RAP1A: variants seen among roughly 807,000 people sequenced by gnomAD.
The protein encoded by RAP1A is RAP1A, member of RAS oncogene family, also known as ras-related protein Rap-1A.
RAP1A carries 6 observed loss-of-function variants against 26.4 expected under a neutral mutation model. The observed-to-expected ratio is 0.23, with a 90% CI of 0.12 to 0.45. The LOEUF (loss-of-function observed/expected upper bound fraction) is 0.45, where lower values mean the gene tolerates loss of function less well. RAP1A is among the 20% of genes least tolerant of loss of function. The probability of loss-of-function intolerance (pLI) is 0.99; values close to 1 mark genes in which losing one functional copy is unlikely to be tolerated. For synonymous variants in RAP1A, 73 were observed against 79.4 expected (o/e 0.92, Z 0.43); for missense variants, 121 against 217.2 (o/e 0.56, Z 2.78).
At chr1:111,659,763 A>T (rs1451109905) in intron 1 of RAP1A, among the ~76,000 whole-genome samples, 6 of 151,740 alleles carry the variant, frequency 4.0e-5, no homozygotes, top group African/African-American at 1.5e-4. Flanking sequence ...ACTGTATTAT[A>T]CTTGTTTTTA....
chr1:111,714,643 G>A lies in RAP1A; in HGVS notation c.*2242G>A, dbSNP rs775297881. On this transcript the variant is annotated 3_prime_UTR_variant, in exon 8 of 8. Coordinates refer to ENST00000369709, the MANE Select transcript of RAP1A (RefSeq NM_002884.4). ...CTGGCACACAGTGATATGCAGAGCA[G>A]GACCAGCTGAAGTCAGATGTGCAAG... 4 of 152,242 alleles carry A rather than the reference G, an allele frequency of 2.6e-5. No homozygotes were observed. The highest frequency in any genetic ancestry group is 5.9e-5 in the Non-Finnish European group (4 of 68,068). The allele number at this position is 152,242 out of a possible 1,614,324, so 9.4% of individuals were successfully genotyped here.
intron 1 of RAP1A, chr1:111,686,499 C>G (rs997975484): frequency 1.3e-5 from 2 of 151,430 alleles, no homozygotes; most frequent in Non-Finnish European, 2.9e-5. Context: ...TAATGAGACC[C>G]CATCTCTGCA....
At chr1:111,590,521 A>G (rs1375273514) in intron 1 of RAP1A, among the ~76,000 whole-genome samples, 1 of 152,204 alleles carries the variant, frequency 6.6e-6, no homozygotes, top group Non-Finnish European at 1.5e-5. Flanking sequence ...CTCTGCATCC[A>G]TTAAAATAAT....
intron 1 of RAP1A, among the ~76,000 whole-genome samples, chr1:111,584,204 A>C (rs1017345433): frequency 1.3e-5 from 2 of 152,116 alleles, no homozygotes; most frequent in African/African-American, 4.8e-5. Context: ...TCAACTGTGA[A>C]TGTCATGCAT....
rs79420207 is a variant in RAP1A, at chr1:111,699,414, T to A, written c.183+1917T>A. Among the ~76,000 whole-genome samples the A allele has an allele frequency of 6.6e-3, 1,003 of 151,714 alleles. 12 individuals are homozygous for A. Among genetic ancestry groups the A allele is most frequent in the African/African-American group, 0.023 (953 of 41,368 alleles). ...ACCTCTCTAATCTAATTTCCAAGCA[T>A]CTTATCCTCCATTACTCACTACTTT... On this transcript the variant is annotated intron_variant, in intron 4 of 7. Coordinates refer to ENST00000369709, the MANE Select transcript of RAP1A (RefSeq NM_002884.4).
upstream of RAP1A, among the ~76,000 whole-genome samples, chr1:111,616,236 C>T (rs1243046320): frequency 6.6e-6 from 1 of 152,218 alleles, no homozygotes; most frequent in African/African-American, 2.4e-5. Flanking sequence ...TCTCCCAAAG[C>T]TTGTAAAGGA....
At chr1:111,684,442 G>A (rs1016358354) in intron 1 of RAP1A, among the ~76,000 whole-genome samples, 22 of 152,250 alleles carry the variant, frequency 1.4e-4, no homozygotes, top group African/African-American at 4.3e-4. Flanking sequence ...CAACTTCAGC[G>A]AAGTCTCAGG....
rs1179081789 is a variant in RAP1A at position 111,712,551 on chromosome 1, T to C, written c.*150T>C. ...TTATGTGAAGAATTTAGATCTTATA[T>C]TGGTTTGCACAAGTTCCCTGGAGAA... On this transcript the variant is annotated 3_prime_UTR_variant, in exon 8 of 8. Transcript: ENST00000369709. 1 of 152,530 alleles carries C rather than the reference T, an allele frequency of 6.6e-6. No individual in the cohort carries two copies. The highest frequency in any genetic ancestry group is 1.9e-4 in the East Asian group (1 of 5,204). 9.4% of individuals were successfully genotyped at this position (152,530 alleles called of 1,614,324 possible). A position where few individuals can be genotyped will look rare whatever the true frequency, so the allele number is the denominator to read the frequency against.
At chr1:111,697,592 G>C in intron 4 of RAP1A, 95 bp downstream of exon 4, 1 of 1,556,492 alleles carries the variant, frequency 6.4e-7, no homozygotes, top group Non-Finnish European at 8.7e-7. Flanking sequence ...CTGAGTAAAA[G>C]TAATCATTCT....
chr1:111,576,039 C>T (rs1658142050), intron 1 of RAP1A, among the ~76,000 whole-genome samples: 1 of 152,230 alleles, frequency 6.6e-6, no homozygotes, highest in Non-Finnish European at 1.5e-5. Flanking sequence ...ACCTGCCCTG[C>T]ATACTATTCT....
intron 1 of RAP1A, among the ~76,000 whole-genome samples, chr1:111,684,441 C>T (rs7540643): frequency 0.18 from 27,154 of 152,164 alleles, 2,926 homozygotes; most frequent in South Asian, 0.26. Flanking sequence ...GCAACTTCAG[C>T]GAAGTCTCAG....
In RAP1A at chr1:111,575,279, A is replaced by G. The variant is rs187324268; in HGVS notation, c.-28+32770A>G. 1.2e-3 allele frequency among the ~76,000 whole-genome samples: 179 copies of G among 152,114 alleles called. 1 individual carries two copies. Among genetic ancestry groups the G allele is most frequent in the African/African-American group, 4.2e-3 (174 of 41,500 alleles). ...TCAAGTGATTCTTGTGTCTAAAACC[A>G]AGTAGCTGGGATTACAGGCATGCAT... is the stretch of plus-strand genomic sequence containing the variant. On this transcript the variant is annotated intron_variant, in intron 1 of 7. Transcript: ENST00000356415.
intron 1 of RAP1A, among the ~76,000 whole-genome samples, chr1:111,607,545 C>T (rs1271565799): frequency 3.3e-5 from 5 of 151,654 alleles, no homozygotes; most frequent in African/African-American, 1.2e-4. Flanking sequence ...CCAGACGGGG[C>T]GGCTGGCCGG....
chr1:111,554,087 C>CT (rs1320926194), intron 1 of RAP1A, among the ~76,000 whole-genome samples: 1 of 152,232 alleles, frequency 6.6e-6, no homozygotes, highest in Non-Finnish European at 1.5e-5. Flanking sequence ...ATCCCCACCA[C>CT]TTATTAGCTA....
At chr1:111,613,152 G>GTTT (rs149014253) in intron 1 of RAP1A, among the ~76,000 whole-genome samples, 1 of 142,782 alleles carries the variant, frequency 7.0e-6, no homozygotes. Context: ...AAAACGTAGG[G>GTTT]TTTTTTTTTT....
At chr1:111,654,725 T>G (rs1402033030) in intron 1 of RAP1A, among the ~76,000 whole-genome samples, 2 of 151,458 alleles carry the variant, frequency 1.3e-5, no homozygotes, top group African/African-American at 2.4e-5. Flanking sequence ...GTCCAGAGAC[T>G]TCTACCTGAT....
chr1:111,648,721 C>G, intron 1 of RAP1A: 1 of 586,384 alleles, frequency 1.7e-6, no homozygotes, highest in South Asian at 1.5e-5. Flanking sequence ...TCTCCAGCCT[C>G]AGCAGACTGC....
chr1:111,691,355 C>T lies in RAP1A; in HGVS notation c.-6C>T. 1 of 1,612,284 alleles carries T rather than the reference C, an allele frequency of 6.2e-7. No individual in the cohort carries two copies. The highest frequency in any genetic ancestry group is 8.5e-7 in the Non-Finnish European group (1 of 1,178,716). On this transcript the variant is annotated 5_prime_UTR_variant, in exon 2 of 8. Transcript: ENST00000369709. The stretch of plus-strand genomic sequence containing the variant: ...TCAGATCGTCAGTATTTAAACAGAT[C>T]ACATCATGCGTGAGTACAAGCTAGT...
intron 1 of RAP1A, among the ~76,000 whole-genome samples, chr1:111,567,170 C>A (rs913945026): frequency 6.6e-6 from 1 of 152,042 alleles, no homozygotes; most frequent in Non-Finnish European, 1.5e-5. Flanking sequence ...ATAAATAGGT[C>A]ATTGTAGAAC....
Sources: allele counts gnomAD v4.1 joint callset (sites outside exome capture counted in the v4.1 genomes callset), GRCh38; gene constraint gnomAD v4.1.1; transcripts MANE v1.5; gene names NCBI Gene and HGNC (gene_info 2026-07-23, HGNC 2026-07-21).